Variants in ADGRB3 observed in about 807,000 individuals in gnomAD.
The protein encoded by ADGRB3 is adhesion G protein-coupled receptor B3.
Under a neutral mutation model 193.4 loss-of-function variants are expected in ADGRB3, and 37 were observed. The observed-to-expected ratio is 0.19, with a 90% CI of 0.15 to 0.25. The LOEUF is 0.25. Ranked by LOEUF, ADGRB3 falls within the 10% of genes least tolerant of loss-of-function variation. The pLI, the probability that ADGRB3 is intolerant of heterozygous loss-of-function variation, is 1.00. For missense variants in ADGRB3, 1,637 were observed against 1,852.9 expected, an observed-to-expected ratio of 0.88 and a Z score of 2.14; for synonymous variants, 690 against 644.2, an observed-to-expected ratio of 1.07 and a Z score of -1.08.
Position 69,023,099 on chromosome 6 carries a change from A to G in ADGRB3, c.2107+4600A>G, listed in dbSNP as rs1014365098. Among the ~76,000 whole-genome samples the G allele has an allele frequency of 4.6e-5, 7 of 152,072 alleles. No individual in the cohort carries two copies. In the East Asian group the frequency reaches 1.2e-3, roughly 25 times the overall value. ...GAACTGAATTCAAGGAAGATCAGTG[A>G]TGTGTCACATGTTACTCTCCCATTG... On this transcript the variant is annotated intron_variant, in intron 13 of 31. Transcript: ENST00000370598.
At chr6:68,851,976 T>C (rs942254103) in intron 3 of ADGRB3, among the ~76,000 whole-genome samples, 17 of 152,012 alleles carry the variant, frequency 1.1e-4, no homozygotes, top group Admixed American at 1.1e-3. Flanking sequence ...AGTTTTATTA[T>C]ATGAGAAAGA....
Position 69,338,969 on chromosome 6 carries a change from T to A in ADGRB3, c.3242T>A (p.Val1081Glu). ...ACGCTCAAATGTGCCAAGTGTGGAG[T>A]AGTTTCAACAACAGCTTTGTCAGCC... ...GLTLKCAKCG[V>E]VSTTALSATT... Residue 1081 changes from valine (V) to glutamate (E), a missense_variant, in exon 25 of 32, where the codon GTA becomes GAA. Val to Glu is a moderately radical substitution (Grantham distance 121). Around this residue, in one of 7 missense-constraint regions of ADGRB3, gnomAD observed 56 missense variants for 53.3 expected, o/e 1.05. Coordinates refer to ENST00000370598, the MANE Select transcript of ADGRB3 (RefSeq NM_001704.3). The A allele has an allele frequency of 6.2e-7, 1 of 1,613,602 alleles. No individual in the cohort carries two copies. Among genetic ancestry groups the A allele is most frequent in the Non-Finnish European group, 8.5e-7 (1 of 1,179,818 alleles).
intron 20 of ADGRB3, among the ~76,000 whole-genome samples, chr6:69,318,280 T>A (rs1379054791): frequency 6.6e-6 from 1 of 151,584 alleles, no homozygotes; most frequent in East Asian, 1.9e-4. Context: ...TAACATTTTT[T>A]AAAATTATTA....
intron 3 of ADGRB3, among the ~76,000 whole-genome samples, chr6:68,794,312 T>C (rs904431002): frequency 9.2e-5 from 14 of 151,862 alleles, no homozygotes; most frequent in African/African-American, 2.2e-4. Context: ...TGAATATATA[T>C]ATATATAAAA....
rs543720050 is a variant in ADGRB3, at chr6:68,930,905, C to T, written c.868+236C>T. Among the ~76,000 whole-genome samples the T allele has an allele frequency of 2.0e-5, 3 of 152,058 alleles. No individual in the cohort carries two copies. In the East Asian group the frequency reaches 5.8e-4, roughly 29 times the overall value. On this transcript the variant is annotated intron_variant, in intron 4 of 31. Coordinates refer to ENST00000370598, the MANE Select transcript of ADGRB3 (RefSeq NM_001704.3). The stretch of plus-strand genomic sequence containing the variant: ...GGGACATTTAGGATTTACATAGTAG[C>T]ATTTATGCTAATTAACTACTTAAAA...
At chr6:68,707,493 GA>G (rs1258990312) in intron 3 of ADGRB3, among the ~76,000 whole-genome samples, 3 of 151,994 alleles carry the variant, frequency 2.0e-5, no homozygotes, top group Non-Finnish European at 4.4e-5. Context: ...TATAGCCAAT[GA>G]AAAAATGAGT....
At chr6:69,370,304 C>G (rs1325222666) in intron 29 of ADGRB3, among the ~76,000 whole-genome samples, 1 of 152,084 alleles carries the variant, frequency 6.6e-6, no homozygotes, top group African/African-American at 2.4e-5. Context: ...TTGTGGAAAC[C>G]TGAATAACTT....
At chr6:69,170,575 C>T (rs1191278935) in intron 17 of ADGRB3, among the ~76,000 whole-genome samples, 1 of 152,148 alleles carries the variant, frequency 6.6e-6, no homozygotes, top group Non-Finnish European at 1.5e-5. Flanking sequence ...TACAGAACCA[C>T]CACATTTCCC....
intron 17 of ADGRB3, among the ~76,000 whole-genome samples, chr6:69,140,451 G>A (rs1055958479): frequency 3.3e-5 from 5 of 152,268 alleles, no homozygotes; most frequent in African/African-American, 1.2e-4. Context: ...TTGAACTCAT[G>A]AAGGTAGAGA....
At chr6:69,222,500 C>G (rs1005898759) in intron 17 of ADGRB3, among the ~76,000 whole-genome samples, 1 of 152,260 alleles carries the variant, frequency 6.6e-6, no homozygotes, top group South Asian at 2.1e-4. Flanking sequence ...TTCTTATTAT[C>G]ACATCTGGAA....
intron 17 of ADGRB3, among the ~76,000 whole-genome samples, chr6:69,224,252 A>G (rs1349818498): frequency 6.6e-6 from 1 of 152,160 alleles, no homozygotes; most frequent in Non-Finnish European, 1.5e-5. Context: ...TCTTGGATGC[A>G]CTATGTTATA....
intron 20 of ADGRB3, among the ~76,000 whole-genome samples, chr6:69,296,848 T>C (rs1767830614): frequency 6.6e-6 from 1 of 152,122 alleles, no homozygotes; most frequent in Admixed American, 6.6e-5. Context: ...TCATGACATA[T>C]CTCATTCCAT....
chr6:68,700,357 A>AG (rs1445028721), intron 3 of ADGRB3, among the ~76,000 whole-genome samples: 6 of 152,030 alleles, frequency 3.9e-5, no homozygotes, highest in South Asian at 4.2e-4. Context: ...TTTTCAAAAC[A>AG]CCTTTTTTTT....
In ADGRB3 at chr6:69,242,403, C is replaced by T. The variant is rs75249927; in HGVS notation, c.2814+3177C>T. Among the ~76,000 whole-genome samples the T allele has an allele frequency of 6.9e-3, 1,043 of 151,812 alleles. 10 individuals are homozygous for T. The highest frequency in any genetic ancestry group is 0.011 in the Non-Finnish European group (779 of 67,802). On this transcript the variant is annotated intron_variant, in intron 20 of 31. Coordinates refer to ENST00000370598, the MANE Select transcript of ADGRB3 (RefSeq NM_001704.3). ...TTCCCATCTTAGAAAGTATAAACAT[C>T]CGAGAGAGCTTTTTGATGAAGAAAT...
chr6:68,959,096 G>A (rs1009398112), intron 8 of ADGRB3, among the ~76,000 whole-genome samples: 2 of 151,922 alleles, frequency 1.3e-5, no homozygotes, highest in Non-Finnish European at 2.9e-5. Flanking sequence ...TTTATGTGCA[G>A]TCACATCATC....
intron 3 of ADGRB3, among the ~76,000 whole-genome samples, chr6:68,873,996 T>C (rs910923563): frequency 2.0e-5 from 3 of 152,126 alleles, no homozygotes; most frequent in African/African-American, 7.2e-5. Context: ...TGTTAAATAG[T>C]ATAATTATAA....
intron 3 of ADGRB3, among the ~76,000 whole-genome samples, chr6:68,679,777 T>C (rs1764846291): frequency 6.6e-6 from 1 of 152,134 alleles, no homozygotes; most frequent in African/African-American, 2.4e-5. Context: ...ATATGTTCAA[T>C]AGAAAAGCAT....
intron 3 of ADGRB3, among the ~76,000 whole-genome samples, chr6:68,745,967 T>A (rs1766075429): frequency 6.6e-6 from 1 of 152,078 alleles, no homozygotes; most frequent in East Asian, 1.9e-4. Context: ...TTTCCTATTA[T>A]TTTATTGATG....
intron 29 of ADGRB3, among the ~76,000 whole-genome samples, chr6:69,364,267 G>T (rs1241998906): frequency 1.3e-5 from 2 of 151,998 alleles, no homozygotes; most frequent in African/African-American, 2.4e-5. Flanking sequence ...TTGTAGAATA[G>T]AATTTGATAG....
Sources: allele counts gnomAD v4.1 joint callset (sites outside exome capture counted in the v4.1 genomes callset), GRCh38; gene constraint gnomAD v4.1.1; regional missense constraint gnomAD v4.1.1; transcripts MANE v1.5; gene names NCBI Gene and HGNC (gene_info 2026-07-23, HGNC 2026-07-21).